Variants in CLASP1 observed in about 807,000 individuals in gnomAD.
CLASP1 encodes the protein CLIP-associating protein 1.
In CLASP1, 38 loss-of-function variants were observed where a neutral mutation model predicts 192.3. The observed-to-expected ratio is 0.20, with a 90% CI of 0.15 to 0.26. The LOEUF (loss-of-function observed/expected upper bound fraction) is 0.26, where lower values mean the gene tolerates loss of function less well. Ranked by LOEUF, CLASP1 falls within the 10% of genes least tolerant of loss-of-function variation. CLASP1 has a pLI of 1.00. For missense variants in CLASP1, 1,433 were observed against 1,932.5 expected (o/e 0.74, Z 4.85); for synonymous variants, 691 against 712.8 (o/e 0.97, Z 0.49).
intron 7 of CLASP1, among the ~76,000 whole-genome samples, chr2:121,509,499 G>A (rs999509058): frequency 2.0e-5 from 3 of 152,220 alleles, no homozygotes; most frequent in Non-Finnish European, 4.4e-5. Context: ...AGTGTACATG[G>A]AACATTATCC....
At chr2:121,468,637 C>A (rs946666471) in intron 9 of CLASP1, among the ~76,000 whole-genome samples, 21 of 152,164 alleles carry the variant, frequency 1.4e-4, no homozygotes, top group Admixed American at 6.5e-5. Flanking sequence ...TATCCTGAGA[C>A]TTTGCTGAAG....
At chr2:121,457,454 G>GAC (rs753105912) in intron 14 of CLASP1, among the ~76,000 whole-genome samples, 3,655 of 131,760 alleles carry the variant, frequency 0.028, 55 homozygotes, top group Non-Finnish European at 0.036. Flanking sequence ...CTCTCACACA[G>GAC]ACATACACAC....
At chr2:121,556,991 T>C (rs902883609) in intron 2 of CLASP1, among the ~76,000 whole-genome samples, 8 of 152,212 alleles carry the variant, frequency 5.3e-5, no homozygotes, top group Non-Finnish European at 1.0e-4. Flanking sequence ...GTGTTATTAA[T>C]ACTTGCATAA....
chr2:121,462,207 A>G (rs1421910660), intron 10 of CLASP1, among the ~76,000 whole-genome samples: 1 of 151,256 alleles, frequency 6.6e-6, no homozygotes, highest in East Asian at 1.9e-4. Context: ...CTTCAAACTT[A>G]TGAATTAAAA....
At chr2:121,629,364 T>G (rs1170183161) in intron 1 of CLASP1, among the ~76,000 whole-genome samples, 1 of 151,752 alleles carries the variant, frequency 6.6e-6, no homozygotes, top group Non-Finnish European at 1.5e-5. Flanking sequence ...CACTCCAGCC[T>G]GGGTGATAAA....
intron 2 of CLASP1, among the ~76,000 whole-genome samples, chr2:121,577,782 A>C (rs992619486): frequency 5.9e-5 from 9 of 152,216 alleles, no homozygotes; most frequent in Admixed American, 5.2e-4. Flanking sequence ...AGATATTCAA[A>C]ACATGTTAGA....
At chr2:121,461,142 A>G (rs1197285568) in exon 11 of CLASP1, 5 of 1,607,458 alleles carry the variant, frequency 3.1e-6, no homozygotes, top group Middle Eastern at 1.7e-4. Context: ...TCATCAGATA[A>G]TATTTCCCTA....
At position 121,398,465 on chromosome 2, in the gene CLASP1, T is replaced by G. The variant is rs1230308953; in HGVS notation, c.2901-65A>C. The G allele has an allele frequency of 7.2e-6, 8 of 1,104,578 alleles. No homozygotes were observed. In the African/African-American group the frequency reaches 1.3e-4, roughly 17 times the overall value. The allele number at this position is 1,104,578 out of a possible 1,614,324, so 68.4% of individuals were successfully genotyped here. A position where few individuals can be genotyped will look rare whatever the true frequency, so the allele number is the denominator to read the frequency against. ...TTATTACAAAACAATGTAAAACTAT[T>G]TAACAAAAGCATACCATTGTAAGTT... On this transcript the variant is annotated intron_variant, in intron 28 of 39. Coordinates refer to ENST00000263710, the Ensembl canonical transcript of CLASP1.
chr2:121,511,869 A>C (rs2094146513), intron 7 of CLASP1, among the ~76,000 whole-genome samples: 1 of 152,228 alleles, frequency 6.6e-6, no homozygotes, highest in African/African-American at 2.4e-5. Flanking sequence ...AAAATTAAAA[A>C]TAAGTGATGT....
chr2:121,392,701 CTTCT>C (rs1272600799), intron 30 of CLASP1, among the ~76,000 whole-genome samples: 1 of 152,214 alleles, frequency 6.6e-6, no homozygotes, highest in Non-Finnish European at 1.5e-5. Context: ...CAGAACCCAC[CTTCT>C]TTCTATCAGT....
intron 39 of CLASP1, among the ~76,000 whole-genome samples, chr2:121,343,230 A>G (rs910265718): frequency 1.3e-5 from 2 of 152,230 alleles, no homozygotes; most frequent in Non-Finnish European, 2.9e-5. Flanking sequence ...GAAAAATAAA[A>G]ACAGAAAATA....
chr2:121,370,617 G>A (rs376631248), intron 34 of CLASP1, among the ~76,000 whole-genome samples: 3 of 152,270 alleles, frequency 2.0e-5, no homozygotes, highest in African/African-American at 7.2e-5. Context: ...GAGTCACCAT[G>A]CCTGGTCCAT....
chr2:121,547,890 C>T lies in CLASP1; in HGVS notation c.196-17565G>A, dbSNP rs191606219. The stretch of plus-strand genomic sequence containing the variant: ...CAGCTTCAAAGACCCTAAACAAAGA[C>T]TCAGCCCTGTGAAAACATCCAGCAA... On this transcript the variant is annotated intron_variant, in intron 2 of 39. Coordinates refer to ENST00000263710, the Ensembl canonical transcript of CLASP1. 2.6e-5 allele frequency among the ~76,000 whole-genome samples: 4 copies of T among 152,258 alleles called. No homozygotes were observed. The East Asian group carries it at 7.7e-4, about 29-fold the overall frequency.
intron 37 of CLASP1, among the ~76,000 whole-genome samples, chr2:121,349,407 T>C (rs2063945471): frequency 6.6e-6 from 1 of 152,064 alleles, no homozygotes; most frequent in African/African-American, 2.4e-5. Flanking sequence ...CAACGAGCTG[T>C]GTTGGTAAGC....
At chr2:121,447,040 C>T (rs1454188002) in intron 19 of CLASP1, among the ~76,000 whole-genome samples, 1 of 152,178 alleles carries the variant, frequency 6.6e-6, no homozygotes, top group Non-Finnish European at 1.5e-5. Flanking sequence ...GGTGGCTGGG[C>T]TTGCCATGGA....
intron 37 of CLASP1, among the ~76,000 whole-genome samples, chr2:121,356,006 T>C (rs2065310902): frequency 1.3e-5 from 2 of 152,244 alleles, no homozygotes; most frequent in Admixed American, 1.3e-4. Flanking sequence ...AATTGGATCA[T>C]TACTCAGAAT....
intron 34 of CLASP1, among the ~76,000 whole-genome samples, chr2:121,371,985 C>T (rs1205522157): frequency 6.6e-6 from 1 of 152,188 alleles, no homozygotes; most frequent in Non-Finnish European, 1.5e-5. Context: ...CCAATGTACT[C>T]CTGGAAGTAA....
chr2:121,507,735 C>T (rs937542507), intron 7 of CLASP1, among the ~76,000 whole-genome samples: 1 of 152,124 alleles, frequency 6.6e-6, no homozygotes. Context: ...ACCAAACTGT[C>T]ACAAGAGAAG....
At chr2:121,627,703 G>A (rs369129391) in intron 1 of CLASP1, among the ~76,000 whole-genome samples, 5 of 152,306 alleles carry the variant, frequency 3.3e-5, no homozygotes, top group South Asian at 4.1e-4. Flanking sequence ...CGAGGAAAAC[G>A]TGCAGAGTCA....
Sources: gnomAD v4.1 joint callset for allele counts (sites outside exome capture counted in the v4.1 genomes callset) on GRCh38, gnomAD v4.1.1 for gene constraint, MANE v1.5 for transcripts, NCBI Gene and HGNC (gene_info 2026-07-23, HGNC 2026-07-21) for gene names.